The following CHD3 variants were observed in gnomAD, a reference collection of about 807,000 sequenced individuals.
CHD3 encodes chromodomain helicase DNA binding protein 3, also known as ATP-dependent chromatin remodeler CHD3.
CHD3 carries 52 observed loss-of-function variants against 248.9 expected under a neutral mutation model. The ratio of observed to expected loss-of-function variants is 0.21; its 90% CI spans 0.17 to 0.26. The LOEUF (loss-of-function observed/expected upper bound fraction) is 0.26, where lower values mean the gene tolerates loss of function less well. Ranked by LOEUF, CHD3 falls within the 10% of genes least tolerant of loss-of-function variation. CHD3 has a pLI of 1.00. For synonymous variants in CHD3, 985 were observed against 985.2 expected, an observed-to-expected ratio of 1.00 and a Z score of 0.00; for missense variants, 1,482 against 2,605.8, an observed-to-expected ratio of 0.57 and a Z score of 9.39.
At chr17:7,898,622 G>A (rs1409358558) in intron 13 of CHD3, 27 bp downstream of exon 13, 1 of 1,558,128 alleles carries the variant, frequency 6.4e-7, no homozygotes, top group African/African-American at 1.4e-5. Flanking sequence ...GTCATTTCTT[G>A]TTTCTGGAGT....
intron 4 of CHD3, among the ~76,000 whole-genome samples, chr17:7,891,892 T>C (rs1397275707): frequency 1.3e-5 from 2 of 150,888 alleles, no homozygotes; most frequent in Non-Finnish European, 2.9e-5. Context: ...ATAGTGCCGA[T>C]GTATTTTGTT....
In CHD3 at chr17:7,911,902, G is replaced by C; in HGVS notation, c.*317G>C. The C allele has an allele frequency of 2.0e-6, 1 of 490,718 alleles. No homozygotes were observed. Among genetic ancestry groups the C allele is most frequent in the African/African-American group, 2.0e-5 (1 of 49,544 alleles). The allele number at this position is 490,718 out of a possible 1,614,324, so 30.4% of individuals were successfully genotyped here. On this transcript the variant is annotated 3_prime_UTR_variant, in exon 40 of 40. Transcript: ENST00000330494. This position sits in a 1 kb window ranked among gnomAD's most constrained non-coding sequence, Gnocchi z 5.4. The stretch of plus-strand genomic sequence containing the variant: ...ACACAACTTCCCAGTAAATGGTTGT[G>C]GGGAGGAAAGAGGTGGAGCCTCCCC...
At position 7,895,106 on chromosome 17, in the gene CHD3, C is replaced by T. The variant is rs745829732; in HGVS notation, c.1459C>T (p.Leu487=). 6.8e-6 allele frequency: 11 copies of T among 1,614,042 alleles called. No individual in the cohort carries two copies. Among genetic ancestry groups the T allele is most frequent in the African/African-American group, 2.7e-5 (2 of 74,906 alleles). Residue 487 remains leucine (L), a synonymous_variant, in exon 9 of 40, where the codon CTG becomes TTG. Transcript: ENST00000330494. The surrounding 1 kb of genome is among the most constrained non-coding windows in gnomAD (Gnocchi z 4.9). The part of the protein sequence containing the change: ...SYHIHCLNPP[L]PDIPNGEWLC... ...CCACATTCATTGTCTAAACCCTCCC[C>T]TGCCTGACATTCCCAATGGTGAATG...
chr17:7,906,976 G>C lies in CHD3; in HGVS notation c.4611G>C (p.Thr1537=), dbSNP rs1362989488. ...RSSRASSPTK[T]SPTTPEASAT... ...CCAGAGCCTCCTCTCCTACCAAAAC[G>C]TCTCCCACCACTCCTGAGGCTTCTG... Residue 1537 remains threonine, a synonymous_variant, in exon 30 of 40, where the codon ACG becomes ACC. Coordinates refer to ENST00000330494, the MANE Select transcript of CHD3 (RefSeq NM_001005273.3). The surrounding 1 kb of genome is among the most constrained non-coding windows in gnomAD (Gnocchi z 5.0). 1.2e-6 allele frequency: 2 copies of C among 1,613,966 alleles called. No homozygotes were observed. The highest frequency in any genetic ancestry group is 1.3e-5 in the African/African-American group (1 of 74,896).
chr17:7,904,372 G>A lies in CHD3; in HGVS notation c.3895-70G>A. ...GATTGGGCTGACGCAGCAGAGTAGG[G>A]ATTTCCTTGCAGTGGAAGGATTAGC... On this transcript the variant is annotated intron_variant, in intron 24 of 39. Transcript: ENST00000330494. The surrounding 1 kb of genome is among the most constrained non-coding windows in gnomAD (Gnocchi z 4.4). The A allele has an allele frequency of 6.9e-7, 1 of 1,443,084 alleles. No homozygotes were observed. Among genetic ancestry groups the A allele is most frequent in the Non-Finnish European group, 9.6e-7 (1 of 1,041,970 alleles). The allele number at this position is 1,443,084 out of a possible 1,614,324, so 89.4% of individuals were successfully genotyped here.
Position 7,905,180 on chromosome 17 carries a change from C to A in CHD3, c.4138+15C>A. On this transcript the variant is annotated intron_variant, in intron 26 of 39. Coordinates refer to ENST00000330494, the MANE Select transcript of CHD3 (RefSeq NM_001005273.3). This position sits in a 1 kb window ranked among gnomAD's most constrained non-coding sequence, Gnocchi z 5.8. ...ACGTCCTGAAGGTGGCATCTGTGTT[C>A]CTGACTCTACCTCACCTCTTCCCGT... 1 of 1,610,090 alleles carries A rather than the reference C, an allele frequency of 6.2e-7. No homozygotes were observed. Among genetic ancestry groups the A allele is most frequent in the South Asian group, 1.1e-5 (1 of 91,020 alleles).
rs1244849472 is a variant in CHD3 at position 7,897,471 on chromosome 17, G to A, written c.1919+177G>A. On this transcript the variant is annotated intron_variant, in intron 11 of 39. Transcript: ENST00000330494. The surrounding 1 kb of genome is among the most constrained non-coding windows in gnomAD (Gnocchi z 4.8). ...TCCAGGGGAACGGGAGAAAACAGGAGGAAAATCCGGCCAGGCAGTGCCTCT... is the reference window on the plus strand; with the variant it reads ...TCCAGGGGAACGGGAGAAAACAGGAAGAAAATCCGGCCAGGCAGTGCCTCT... Among the ~76,000 whole-genome samples the A allele has an allele frequency of 6.6e-6, 1 of 152,192 alleles. No homozygotes were observed. Among genetic ancestry groups the A allele is most frequent in the African/African-American group, 2.4e-5 (1 of 41,432 alleles).
intron 8 of CHD3, 51 bp downstream of exon 8, chr17:7,894,659 T>C (rs2151510020): frequency 6.4e-7 from 1 of 1,562,210 alleles, no homozygotes; most frequent in Non-Finnish European, 8.7e-7. Context: ...CACCCATCTC[T>C]TTCCCCCTTG....
Position 7,889,551 on chromosome 17 carries a change from A to C in CHD3, c.101-113A>C, listed in dbSNP as rs972535067. 7.6e-6 allele frequency: 6 copies of C among 790,388 alleles called. No individual in the cohort carries two copies. The highest frequency in any genetic ancestry group is 1.8e-5 in the African/African-American group (1 of 57,114). The allele number at this position is 790,388 out of a possible 1,614,324, so 49.0% of individuals were successfully genotyped here. A position where few individuals can be genotyped will look rare whatever the true frequency, so the allele number is the denominator to read the frequency against. ...AGTGAAGGGAGGCAGGGCTTGGAGG[A>C]GTTAATGCTTCCTAGAGAGTGGGAA... On this transcript the variant is annotated intron_variant, in intron 1 of 39. Coordinates refer to ENST00000330494, the MANE Select transcript of CHD3 (RefSeq NM_001005273.3). The surrounding 1 kb of genome is among the most constrained non-coding windows in gnomAD (Gnocchi z 4.5).
At position 7,907,491 on chromosome 17, in the gene CHD3, G is replaced by A; in HGVS notation, c.4924+3G>A. On this transcript the variant is annotated splice_donor_region_variant and intron_variant, in intron 32 of 39. Coordinates refer to ENST00000330494, the MANE Select transcript of CHD3 (RefSeq NM_001005273.3). This position sits in a 1 kb window ranked among gnomAD's most constrained non-coding sequence, Gnocchi z 4.3. Reference sequence around the variant, plus strand: ...CCGTGGGGACAGAGAGAAGTCAGGTGGGTGCATGGCCTTAGGAGTGATGGG... The same window carrying A: ...CCGTGGGGACAGAGAGAAGTCAGGTAGGTGCATGGCCTTAGGAGTGATGGG... 6.3e-7 allele frequency: 1 copy of A among 1,586,094 alleles called. No homozygotes were observed. The highest frequency in any genetic ancestry group is 1.2e-5 in the South Asian group (1 of 85,876).
intron 10 of CHD3, 131 bp from the exon 11 acceptor site, chr17:7,896,952 C>G (rs1479141367): frequency 5.4e-6 from 4 of 739,946 alleles, no homozygotes; most frequent in Non-Finnish European, 9.1e-6. Flanking sequence ...AGCCACCGTG[C>G]CTGGGCCAAT....
In CHD3 at chr17:7,907,522, A is replaced by C. The variant is rs921615536; in HGVS notation, c.4924+34A>C. The stretch of plus-strand genomic sequence containing the variant: ...ATGGCCTTAGGAGTGATGGGGGATT[A>C]GAATTTGGGATTTCCCTCTTCTGGG... On this transcript the variant is annotated intron_variant, in intron 32 of 39. Coordinates refer to ENST00000330494, the MANE Select transcript of CHD3 (RefSeq NM_001005273.3). The surrounding 1 kb of genome is among the most constrained non-coding windows in gnomAD (Gnocchi z 4.3). 5 of 1,538,556 alleles carry C rather than the reference A, an allele frequency of 3.2e-6. No individual in the cohort carries two copies. In the African/African-American group the frequency reaches 4.2e-5, roughly 13 times the overall value.
In CHD3 at chr17:7,899,587, C is replaced by T. The variant is rs1970068555; in HGVS notation, c.2544+44C>T. On this transcript the variant is annotated intron_variant, in intron 15 of 39. Transcript: ENST00000330494. The surrounding 1 kb of genome is among the most constrained non-coding windows in gnomAD (Gnocchi z 6.8). Reference sequence around the variant, plus strand: ...TATCCTCTGAGACCCTCAAAGCTGTCACTTCTTTTTCTCAGCCAGGAATTC... The same window carrying T: ...TATCCTCTGAGACCCTCAAAGCTGTTACTTCTTTTTCTCAGCCAGGAATTC... 1 of 1,575,012 alleles carries T rather than the reference C, an allele frequency of 6.3e-7. No homozygotes were observed. Among genetic ancestry groups the T allele is most frequent in the East Asian group, 2.3e-5 (1 of 44,418 alleles).
At chr17:7,893,996 C>T (rs549222344) in intron 6 of CHD3, 61 bp downstream of exon 6, 71 of 1,569,452 alleles carry the variant, frequency 4.5e-5, no homozygotes, top group South Asian at 9.0e-5. Flanking sequence ...GACAGGGATC[C>T]GTGAGGGCCA....
chr17:7,894,444 G>C lies in CHD3; in HGVS notation c.1105G>C (p.Glu369Gln), dbSNP rs1396246025. 39 of 1,613,878 alleles carry C rather than the reference G, an allele frequency of 2.4e-5. No homozygotes were observed. Among genetic ancestry groups the C allele is most frequent in the Non-Finnish European group, 3.2e-5 (38 of 1,179,918 alleles). Residue 369 changes from glutamate (E) to glutamine (Q), a missense_variant, in exon 8 of 40, where the codon GAG becomes CAG. Around this residue, in one of 20 missense-constraint regions of CHD3, gnomAD observed 138 missense variants for 241.1 expected, o/e 0.57. Transcript: ENST00000330494. Reference protein sequence around the residue: ...VLGCPAVAGEEEVDGYETDHQ... With the variant: ...VLGCPAVAGEQEVDGYETDHQ... The stretch of plus-strand genomic sequence containing the variant: ...GGGCTGTCCTGCAGTGGCCGGGGAG[G>C]AGGAGGTTGATGGCTACGAGACGGA...
rs775517469 is a variant in CHD3, at chr17:7,903,405, G to A, written c.3629G>A (p.Arg1210Gln). The change falls in exon 23 of 40, where the codon CGG (arginine) becomes CAG (glutamine). Residue 1210 changes from arginine to glutamine, a missense_variant. Transcript: ENST00000330494. The surrounding 1 kb of genome is among the most constrained non-coding windows in gnomAD (Gnocchi z 6.8). ...ATGATGCTGACACACCTGGTTGTGC[G>A]GCCTGGGCTGGGCTCCAAGGCAGGC... ...RKMMLTHLVVRPGLGSKAGSM... is the reference protein window; with the variant it reads ...RKMMLTHLVVQPGLGSKAGSM... 4 of 1,614,150 alleles carry A rather than the reference G, an allele frequency of 2.5e-6. No homozygotes were observed. Among genetic ancestry groups the A allele is most frequent in the South Asian group, 2.2e-5 (2 of 91,082 alleles).
chr17:7,907,631 A>T lies in CHD3; in HGVS notation c.4955A>T (p.Glu1652Val). ...GAGTCGACGCCAGGAGAAAGGGGGGAGGAGAAGCCGTTGGATGGACAGGAA... is the reference window on the plus strand; with the variant it reads ...GAGTCGACGCCAGGAGAAAGGGGGGTGGAGAAGCCGTTGGATGGACAGGAA... Reference protein sequence around the residue: ...ATESTPGERGEEKPLDGQEHR... With the variant: ...ATESTPGERGVEKPLDGQEHR... Residue 1652 changes from glutamate (E) to valine (V), a missense_variant, in exon 33 of 40, where the codon GAG (glutamate) becomes GTG (valine). Coordinates refer to ENST00000330494, the MANE Select transcript of CHD3 (RefSeq NM_001005273.3). The surrounding 1 kb of genome is among the most constrained non-coding windows in gnomAD (Gnocchi z 4.3). 1.3e-6 allele frequency: 2 copies of T among 1,521,886 alleles called. No homozygotes were observed. The highest frequency in any genetic ancestry group is 1.8e-6 in the Non-Finnish European group (2 of 1,139,352). The allele number at this position is 1,521,886 out of a possible 1,614,324, so 94.3% of individuals were successfully genotyped here.
At position 7,904,105 on chromosome 17, in the gene CHD3, T is replaced by A; in HGVS notation, c.3894+114T>A. 9.2e-7 allele frequency: 1 copy of A among 1,090,176 alleles called. No individual in the cohort carries two copies. Among genetic ancestry groups the A allele is most frequent in the African/African-American group, 1.6e-5 (1 of 63,250 alleles). 67.5% of individuals were successfully genotyped at this position (1,090,176 alleles called of 1,614,324 possible). A position where few individuals can be genotyped will look rare whatever the true frequency, so the allele number is the denominator to read the frequency against. On this transcript the variant is annotated intron_variant, in intron 24 of 39. Coordinates refer to ENST00000330494, the MANE Select transcript of CHD3 (RefSeq NM_001005273.3). The surrounding 1 kb of genome is among the most constrained non-coding windows in gnomAD (Gnocchi z 4.4). ...GTCCCCCTTAAAACAGTAGTGGACC[T>A]CAAACAACTTCTTCGTCTAATAGGT...
chr17:7,901,504 G>GTTTTT (rs34660030), intron 20 of CHD3, 129 bp downstream of exon 20: 10 of 173,448 alleles, frequency 5.8e-5, no homozygotes, highest in South Asian at 5.2e-4. Context: ...TCCTGTAAGA[G>GTTTTT]TTTTTTTTTT....
Sources: allele counts gnomAD v4.1 joint callset (sites outside exome capture counted in the v4.1 genomes callset), GRCh38; gene constraint gnomAD v4.1.1; regional missense constraint gnomAD v4.1.1; non-coding constraint Gnocchi (gnomAD v3.1); transcripts MANE v1.5; gene names NCBI Gene and HGNC (gene_info 2026-07-23, HGNC 2026-07-21).